The following SVEP1 variants were observed in gnomAD, a reference collection of about 807,000 sequenced individuals.
SVEP1 encodes sushi, von Willebrand factor type A, EGF and pentraxin domain-containing protein 1.
In SVEP1, 164 loss-of-function variants were observed where a neutral mutation model predicts 367.3. The ratio of observed to expected loss-of-function variants is 0.45; its 90% CI spans 0.39 to 0.51. SVEP1 has a LOEUF of 0.51. Among genes scored for constraint, SVEP1 ranks in the 20% least tolerant of loss-of-function variants. The probability of loss-of-function intolerance (pLI) is 0.00; values close to 1 mark genes in which losing one functional copy is unlikely to be tolerated. For missense variants in SVEP1, 4,117 were observed against 4,425.3 expected, an observed-to-expected ratio of 0.93 and a Z score of 1.98; for synonymous variants, 1,666 against 1,611.6, an observed-to-expected ratio of 1.03 and a Z score of -0.81.
rs952869397 is a variant in SVEP1 at position 110,579,656 on chromosome 9, G to T, written c.-113C>A. 23 of 1,283,244 alleles carry T rather than the reference G, an allele frequency of 1.8e-5. No homozygotes were observed. The African/African-American group carries it at 3.5e-4, about 20-fold the overall frequency. 79.5% of individuals were successfully genotyped at this position (1,283,244 alleles called of 1,614,324 possible). ...TGCGCGGAGCTGGGCGCGGGGCAGC[G>T]GCCAAGAGCCTCAGCGCCCTTTCAT... On this transcript the variant is annotated 5_prime_UTR_variant, in exon 1 of 48. Coordinates refer to ENST00000374469, the MANE Select transcript of SVEP1 (RefSeq NM_153366.4). This position sits in a 1 kb window ranked among gnomAD's most constrained non-coding sequence, Gnocchi z 5.3.
chr9:110,550,618 A>G (rs1254214629), intron 1 of SVEP1, among the ~76,000 whole-genome samples: 4 of 152,180 alleles, frequency 2.6e-5, no homozygotes, highest in South Asian at 4.1e-4. Context: ...TCCAGAGTCA[A>G]TAATGGCTGA....
intron 7 of SVEP1, among the ~76,000 whole-genome samples, chr9:110,498,795 AC>A (rs1368263227): frequency 6.6e-6 from 1 of 152,140 alleles, no homozygotes; most frequent in East Asian, 1.9e-4. Context: ...TGGAAAACTT[AC>A]CTGATTTTCA....
intron 3 of SVEP1, among the ~76,000 whole-genome samples, chr9:110,533,584 C>CTCTG (rs1830046099): frequency 1.6e-5 from 1 of 62,874 alleles, no homozygotes; most frequent in South Asian, 4.3e-4. Context: ...GGGTTACTAT[C>CTCTG]TCTGTGTGTC....
Position 110,579,491 on chromosome 9 carries a change from C to T in SVEP1, c.53G>A (p.Trp18Ter), listed in dbSNP as rs779081190. The T allele has an allele frequency of 6.2e-7, 1 of 1,605,362 alleles. No individual in the cohort carries two copies. ...CGGGGACATCTGCTGAAAGGTCGCC[C>T]AGCCCGAAACGAGCGCCAGACCCCA... ...CCWGLALVSG[W>*]ATFQQMSPSR... is the part of the protein sequence containing the mutation. Residue 18 changes from tryptophan (W) to a stop codon, truncating the protein, a stop_gained, in exon 1 of 48, where the codon TGG (tryptophan) becomes TAG (stop). Transcript: ENST00000374469. LOFTEE classifies it high-confidence loss of function. The surrounding 1 kb of genome is among the most constrained non-coding windows in gnomAD (Gnocchi z 5.3).
Position 110,457,354 on chromosome 9 carries a change from T to G in SVEP1, c.3577-2A>C. On this transcript the variant is annotated splice_acceptor_variant, in intron 20 of 47. Coordinates refer to ENST00000374469, the MANE Select transcript of SVEP1 (RefSeq NM_153366.4). LOFTEE classifies it high-confidence loss of function. ...GTTAAAGAAGCATTCATGGAAAACC[T>G]ACCAGTAGCATAAAAAAATCAATCA... 6.2e-7 allele frequency: 1 copy of G among 1,604,596 alleles called. No individual in the cohort carries two copies. Among genetic ancestry groups the G allele is most frequent in the Non-Finnish European group, 8.5e-7 (1 of 1,175,792 alleles).
At chr9:110,412,271 G>A (rs1307930722) in intron 36 of SVEP1, among the ~76,000 whole-genome samples, 3 of 152,218 alleles carry the variant, frequency 2.0e-5, no homozygotes, top group East Asian at 3.9e-4. Flanking sequence ...GCCATATTTA[G>A]CCTACATATA....
intron 18 of SVEP1, 102 bp downstream of exon 18, chr9:110,465,763 T>C (rs1564150655): frequency 7.5e-7 from 1 of 1,337,540 alleles, no homozygotes; most frequent in Non-Finnish European, 1.0e-6. Flanking sequence ...ATTTCCATTC[T>C]GTGCATAGAG....
intron 3 of SVEP1, among the ~76,000 whole-genome samples, chr9:110,516,278 G>A (rs546291584): frequency 6.6e-6 from 1 of 151,240 alleles, no homozygotes; most frequent in South Asian, 2.1e-4. Context: ...CATATTGAAA[G>A]GTGGGATTCA....
rs371612398 is a variant in SVEP1 at position 110,458,982 on chromosome 9, C to T, written c.3454G>A (p.Ala1152Thr). 4.0e-5 allele frequency: 64 copies of T among 1,613,336 alleles called. No individual in the cohort carries two copies. Among genetic ancestry groups the T allele is most frequent in the African/African-American group, 1.7e-4 (13 of 74,882 alleles). ...CATTCTGTGATGGATCTGGAACCAG[C>T]GAATGGGGTAGTTCCATAAAAGGGA... Reference protein sequence around the residue: ...ACPFYGTTPFAGSRSITECSS... With the variant: ...ACPFYGTTPFTGSRSITECSS... The change falls in exon 19 of 48, where the codon GCT becomes ACT. Residue 1152 changes from alanine (A) to threonine (T), a missense_variant. This residue lies in a region of SVEP1 where 2,174 missense variants were observed against 2,494.3 expected (regional missense o/e 0.87). Transcript: ENST00000374469.
At chr9:110,386,384 A>G (rs979319131) in intron 42 of SVEP1, among the ~76,000 whole-genome samples, 11 of 152,196 alleles carry the variant, frequency 7.2e-5, no homozygotes, top group African/African-American at 2.7e-4. Flanking sequence ...TGAGTTTTTG[A>G]TCAGCATTGT....
chr9:110,515,370 G>A (rs976346238), intron 3 of SVEP1, among the ~76,000 whole-genome samples: 13 of 147,774 alleles, frequency 8.8e-5, no homozygotes, highest in South Asian at 2.1e-4. Context: ...GTGCGGTCTC[G>A]GCTCACTGCA....
rs748487163 is a variant in SVEP1, at chr9:110,468,986, C to T, written c.3114G>A (p.Gly1038=). Residue 1038 remains glycine, a synonymous_variant, in exon 17 of 48, where the codon GGG becomes GGA. Transcript: ENST00000374469. The part of the protein sequence containing the change: ...GQLECKLCPS[G]MYTEYIHSRN... ...TTGAATGGATATATTCCGTGTACAT[C>T]CCAGAGGGGCAAAGCTTGCACTCAA... The T allele has an allele frequency of 3.7e-6, 6 of 1,613,618 alleles. No individual in the cohort carries two copies. The highest frequency in any genetic ancestry group is 2.2e-5 in the East Asian group (1 of 44,890).
rs10550734 is a variant in SVEP1 at position 110,550,478 on chromosome 9, TTATCTATCTATC to T, written c.532-386_532-375del. 6.8e-3 allele frequency among the ~76,000 whole-genome samples: 1,013 copies of T among 148,952 alleles called. 6 individuals carry two copies. Among genetic ancestry groups the T allele is most frequent in the African/African-American group, 0.015 (613 of 40,356 alleles). ...AAAATCTGAATCCAAATTCCACAAATTATCTATCTATCTATCTATCTATCTATCTATCTATCT... is the reference window on the plus strand; with the variant it reads ...AAAATCTGAATCCAAATTCCACAAATTATCTATCTATCTATCTATCTATCT... On this transcript the variant is annotated intron_variant, in intron 1 of 47. Transcript: ENST00000374469.
rs780001818 is a variant in SVEP1 at position 110,389,596 on chromosome 9, C to CAATGGAGAAAGGTCA, written c.9823-24_9823-10dup. ...ACACGTTCCCTGTTCCCCTGTGAAA[C>CAATGGAGAAAGGTCA]AATGGAGAAAGGTCATCAAGATCAT... is the stretch of plus-strand genomic sequence containing the variant. On this transcript the variant is annotated splice_polypyrimidine_tract_variant and intron_variant, in intron 40 of 47. Coordinates refer to ENST00000374469, the MANE Select transcript of SVEP1 (RefSeq NM_153366.4). The CAATGGAGAAAGGTCA allele has an allele frequency of 1.2e-6, 2 of 1,613,108 alleles. No homozygotes were observed. The highest frequency in any genetic ancestry group is 4.5e-5 in the East Asian group (2 of 44,864).
intron 1 of SVEP1, among the ~76,000 whole-genome samples, chr9:110,575,678 A>G (rs1830619603): frequency 1.3e-5 from 2 of 152,232 alleles, no homozygotes; most frequent in African/African-American, 4.8e-5. Flanking sequence ...ATTTGTTGCC[A>G]TCACCTTAAA....
At chr9:110,541,852 TATATCTATATACATAG>T (rs1564171850) in intron 3 of SVEP1, among the ~76,000 whole-genome samples, 1 of 140,710 alleles carries the variant, frequency 7.1e-6, no homozygotes, top group Non-Finnish European at 1.5e-5. Flanking sequence ...GATATCTATA[TATATCTATATACATAG>T]ATATCTATAT....
In SVEP1 at chr9:110,408,010, G is replaced by C. The variant is rs369617735; in HGVS notation, c.7590C>G (p.Leu2530=). Residue 2530 remains leucine, a synonymous_variant, in exon 38 of 48, where the codon CTC becomes CTG. Transcript: ENST00000374469. The stretch of plus-strand genomic sequence containing the variant: ...AACAGGTCAAGGCACTGGGACCTTC[G>C]AGCCGAAAGCCTCGGTTGCAAGAGT... ...VTYSCNRGFR[L]EGPSALTCLE... The C allele has an allele frequency of 6.2e-7, 1 of 1,613,992 alleles. No homozygotes were observed. Among genetic ancestry groups the C allele is most frequent in the Non-Finnish European group, 8.5e-7 (1 of 1,179,880 alleles).
intron 36 of SVEP1, among the ~76,000 whole-genome samples, chr9:110,412,107 C>G (rs1199306648): frequency 5.3e-5 from 8 of 152,128 alleles, no homozygotes; most frequent in Non-Finnish European, 8.8e-5. Flanking sequence ...ACTTAAGGAA[C>G]TCTAATAATT....
intron 38 of SVEP1, 134 bp downstream of exon 38, chr9:110,406,026 T>C (rs1289252992): frequency 1.8e-6 from 2 of 1,100,858 alleles, no homozygotes; most frequent in Non-Finnish European, 1.2e-6. Flanking sequence ...TAAAGCCAAG[T>C]GTTAAAAGCA....
Sources: gnomAD v4.1 joint callset for allele counts (sites outside exome capture counted in the v4.1 genomes callset) on GRCh38, gnomAD v4.1.1 for gene constraint, gnomAD v4.1.1 regional missense constraint, Gnocchi (gnomAD v3.1) non-coding constraint, MANE v1.5 for transcripts, NCBI Gene and HGNC (gene_info 2026-07-23, HGNC 2026-07-21) for gene names.